Variants in GPC5 observed in about 807,000 individuals in gnomAD.
GPC5 encodes the protein glypican 5.
GPC5 carries 47 observed loss-of-function variants against 53.9 expected under a neutral mutation model. That is an observed-to-expected ratio of 0.87 (90% confidence interval 0.69 to 1.11). The LOEUF is 1.11. Ranked by LOEUF, GPC5 falls within the 50% of genes most tolerant of loss-of-function variation. GPC5 has a pLI of 0.00. For missense variants in GPC5, 748 were observed against 713.1 expected (o/e 1.05, Z -0.56); for synonymous variants, 286 against 263.3 (o/e 1.09, Z -0.84).
chr13:92,527,166 AAGAAAG>A (rs1881339925), intron 7 of GPC5, among the ~76,000 whole-genome samples: 17 of 126,626 alleles, frequency 1.3e-4, no homozygotes, highest in East Asian at 2.2e-4. Flanking sequence ...GAAAGAAAGA[AAGAAAG>A]AGAAAGAAAG....
intron 7 of GPC5, among the ~76,000 whole-genome samples, chr13:92,577,076 A>T (rs753813847): frequency 6.6e-6 from 1 of 152,150 alleles, no homozygotes; most frequent in Non-Finnish European, 1.5e-5. Context: ...TTTATCTGCA[A>T]TATTAAAAGC....
intron 6 of GPC5, among the ~76,000 whole-genome samples, chr13:92,075,587 C>A (rs1226497526): frequency 6.6e-6 from 1 of 152,024 alleles, no homozygotes; most frequent in South Asian, 2.1e-4. Flanking sequence ...TTAAGTATTG[C>A]AAATATTTTT....
chr13:91,468,010 C>G (rs1378350916), intron 2 of GPC5, among the ~76,000 whole-genome samples: 1 of 152,104 alleles, frequency 6.6e-6, no homozygotes, highest in Non-Finnish European at 1.5e-5. Context: ...GTTCTTTATG[C>G]ATAGGTGGTA....
chr13:92,176,760 C>T (rs1485203362), intron 7 of GPC5, among the ~76,000 whole-genome samples: 2 of 152,164 alleles, frequency 1.3e-5, no homozygotes, highest in Non-Finnish European at 2.9e-5. Context: ...CATCCAAGCA[C>T]TTCTCAGCCC....
chr13:92,138,987 G>A (rs1054605668), intron 6 of GPC5, among the ~76,000 whole-genome samples: 5 of 152,004 alleles, frequency 3.3e-5, no homozygotes, highest in African/African-American at 1.2e-4. Flanking sequence ...GATTTATAAT[G>A]AAGCATTTTT....
intron 5 of GPC5, among the ~76,000 whole-genome samples, chr13:91,789,295 T>C (rs2037927059): frequency 6.6e-6 from 1 of 152,194 alleles, no homozygotes; most frequent in Admixed American, 6.5e-5. Context: ...AAAGTTAATA[T>C]GTTTGAGTAC....
At chr13:91,698,333 C>T (rs939501996) in intron 3 of GPC5, among the ~76,000 whole-genome samples, 10 of 152,062 alleles carry the variant, frequency 6.6e-5, no homozygotes, top group African/African-American at 9.7e-5. Flanking sequence ...AATGACTTTA[C>T]GGTGAATTGT....
At chr13:91,405,978 C>A (rs1451994987) in intron 1 of GPC5, among the ~76,000 whole-genome samples, 1 of 152,080 alleles carries the variant, frequency 6.6e-6, no homozygotes, top group African/African-American at 2.4e-5. Flanking sequence ...TGCCACCTTG[C>A]GCAGGCTGGT....
chr13:91,863,754 G>T, intron 5 of GPC5, among the ~76,000 whole-genome samples: 1 of 152,092 alleles, frequency 6.6e-6, no homozygotes, highest in East Asian at 1.9e-4. Flanking sequence ...ATGCAGCGTG[G>T]AGATAACTGT....
intron 7 of GPC5, among the ~76,000 whole-genome samples, chr13:92,460,638 A>G (rs2139409395): frequency 6.6e-6 from 1 of 152,268 alleles, no homozygotes; most frequent in East Asian, 1.9e-4. Flanking sequence ...CACTCTACAA[A>G]TATAGTAGTT....
intron 2 of GPC5, among the ~76,000 whole-genome samples, chr13:91,596,411 T>A (rs1184714006): frequency 6.6e-6 from 1 of 152,230 alleles, no homozygotes; most frequent in East Asian, 1.9e-4. Flanking sequence ...GGTTTAAATC[T>A]ATTATCAGTT....
chr13:91,493,196 T>C (rs879547008), intron 2 of GPC5, among the ~76,000 whole-genome samples: 1 of 152,228 alleles, frequency 6.6e-6, no homozygotes, highest in Non-Finnish European at 1.5e-5. Flanking sequence ...AAAACATCCA[T>C]TCTTTAACTT....
intron 7 of GPC5, among the ~76,000 whole-genome samples, chr13:92,293,003 C>A (rs1307316464): frequency 6.6e-6 from 1 of 151,862 alleles, no homozygotes; most frequent in Non-Finnish European, 1.5e-5. Context: ...TCTTGGTGGT[C>A]TGTTCTGTTT....
chr13:92,172,264 A>G (rs1360980769), intron 7 of GPC5, among the ~76,000 whole-genome samples: 2 of 152,150 alleles, frequency 1.3e-5, no homozygotes, highest in African/African-American at 4.8e-5. Context: ...AGTGGGGTCA[A>G]GTTGGGTTGT....
At chr13:92,107,776 A>G (rs900450372) in intron 6 of GPC5, among the ~76,000 whole-genome samples, 2 of 152,180 alleles carry the variant, frequency 1.3e-5, no homozygotes, top group African/African-American at 4.8e-5. Context: ...TAACACATTG[A>G]CCAAATGGTT....
intron 2 of GPC5, among the ~76,000 whole-genome samples, chr13:91,451,806 C>T (rs960457150): frequency 7.3e-5 from 11 of 150,872 alleles, no homozygotes; most frequent in East Asian, 2.0e-4. Context: ...TTAGTAGAGA[C>T]GGGGTTTCAA....
At chr13:91,741,332 A>G (rs1185699275) in intron 4 of GPC5, among the ~76,000 whole-genome samples, 2 of 152,184 alleles carry the variant, frequency 1.3e-5, no homozygotes, top group Non-Finnish European at 2.9e-5. Context: ...CACTTGGAAC[A>G]TTAACAGTTT....
At chr13:92,324,039 A>C (rs1441845329) in intron 7 of GPC5, among the ~76,000 whole-genome samples, 1 of 151,934 alleles carries the variant, frequency 6.6e-6, no homozygotes, top group African/African-American at 2.4e-5. Flanking sequence ...CTCCTTTCTC[A>C]AGACATTCAG....
chr13:91,943,640 G>A (rs2139048799), intron 6 of GPC5, among the ~76,000 whole-genome samples: 1 of 152,274 alleles, frequency 6.6e-6, no homozygotes, highest in Non-Finnish European at 1.5e-5. Flanking sequence ...AGGTGAAAGT[G>A]ATACCTGGTA....
Sources: allele counts gnomAD v4.1 joint callset (sites outside exome capture counted in the v4.1 genomes callset), GRCh38; gene constraint gnomAD v4.1.1; transcripts MANE v1.5; gene names NCBI Gene and HGNC (gene_info 2026-07-23, HGNC 2026-07-21).